The following AGXT variants were observed in gnomAD, a reference collection of about 807,000 sequenced individuals.
AGXT encodes the protein alanine--glyoxylate aminotransferase.
A neutral mutation model predicts 46.9 loss-of-function variants in AGXT; 41 were observed. The ratio of observed to expected loss-of-function variants is 0.88; its 90% CI spans 0.68 to 1.14. AGXT has a LOEUF of 1.14. AGXT is among the 50% of genes most tolerant of loss of function. The pLI is 0.00. For synonymous variants in AGXT, 244 were observed against 227.9 expected, an observed-to-expected ratio of 1.07 and a Z score of -0.64; for missense variants, 525 against 522.7, an observed-to-expected ratio of 1.00 and a Z score of -0.04.
chr2:240,872,089 G>A (rs1165061869), intron 4 of AGXT, among the ~76,000 whole-genome samples: 2 of 152,242 alleles, frequency 1.3e-5, no homozygotes, highest in African/African-American at 2.4e-5. Context: ...CCTGCGGCCA[G>A]CACGAGATAC....
chr2:240,875,149 T>C lies in AGXT; in HGVS notation c.721T>C (p.Tyr241His), dbSNP rs748385061. ...CCGCAAGACGAAGCCCTTCTCCTTC[T>C]ACCTGGACATCAAGTGGCTGGCCAA... ...YSRKTKPFSF[Y>H]LDIKWLANFW... is the part of the protein sequence containing the mutation. Residue 241 changes from tyrosine to histidine, a missense_variant, in exon 7 of 11, where the codon TAC (tyrosine) becomes CAC (histidine). Physicochemically the swap from Tyr to His is moderately conservative, Grantham distance 83. Transcript: ENST00000307503. 9.9e-6 allele frequency: 16 copies of C among 1,613,840 alleles called. No individual in the cohort carries two copies. Among genetic ancestry groups the C allele is most frequent in the African/African-American group, 1.3e-5 (1 of 74,928 alleles).
intron 5 of AGXT, chr2:240,873,323 T>C: frequency 2.1e-6 from 1 of 465,888 alleles, no homozygotes; most frequent in South Asian, 2.6e-5. Flanking sequence ...CCCAGAGCTG[T>C]AGCAGAAGCA....
Position 240,871,354 on chromosome 2 carries a change from G to A in AGXT, c.429G>A (p.Leu143=), listed in dbSNP as rs375123832. The change falls in exon 4 of 11, where the codon CTG becomes CTA. Residue 143 remains leucine, a synonymous_variant. Coordinates refer to ENST00000307503, the MANE Select transcript of AGXT (RefSeq NM_000030.3). ...AGCCGTCCCTGCTTCCTCAGGGCCT[G>A]GCCCAGCACAAGCCAGTGCTGCTGT... ...HYTLQEVEEG[L]AQHKPVLLFL... is the part of the protein sequence containing the mutation. 2.2e-5 allele frequency: 34 copies of A among 1,579,386 alleles called. No homozygotes were observed. The highest frequency in any genetic ancestry group is 2.8e-5 in the Non-Finnish European group (32 of 1,163,518).
intron 7 of AGXT, among the ~76,000 whole-genome samples, chr2:240,875,528 T>A (rs1292658257): frequency 6.6e-6 from 1 of 152,194 alleles, no homozygotes; most frequent in Non-Finnish European, 1.5e-5. Context: ...GGCCTCAGCT[T>A]ACCCCTTCTG....
At position 240,875,954 on chromosome 2, in the gene AGXT, G is replaced by A. The variant is rs142114432; in HGVS notation, c.796G>A (p.Val266Ile). 6.4e-5 allele frequency: 103 copies of A among 1,614,060 alleles called. No homozygotes were observed. The highest frequency in any genetic ancestry group is 2.0e-4 in the East Asian group (9 of 44,900). ...TTCCAGGTACCATCACACAATCCCC[G>A]TCATCAGCCTGTACAGCCTGAGAGA... is the stretch of plus-strand genomic sequence containing the variant. ...QPRMYHHTIP[V>I]ISLYSLRESL... Residue 266 changes from valine (V) to isoleucine (I), a missense_variant, in exon 8 of 11, where the codon GTC becomes ATC. Physicochemically the swap from Val to Ile is conservative, Grantham distance 29. Transcript: ENST00000307503.
In AGXT at chr2:240,875,343, C is replaced by T. The variant is rs372120787; in HGVS notation, c.776+139C>T. On this transcript the variant is annotated intron_variant, in intron 7 of 10. Coordinates refer to ENST00000307503, the MANE Select transcript of AGXT (RefSeq NM_000030.3). ...GAACCCCAACTAGAGCCCCAGAATC[C>T]GCCTGCATCAGGCAGTCAAATGCCC... is the stretch of plus-strand genomic sequence containing the variant. The T allele has an allele frequency of 6.0e-5, 44 of 735,686 alleles. No homozygotes were observed. In the East Asian group the frequency reaches 9.5e-4, roughly 16 times the overall value. 45.6% of individuals were successfully genotyped at this position (735,686 alleles called of 1,614,324 possible).
chr2:240,873,549 C>T lies in AGXT; in HGVS notation c.596-429C>T, dbSNP rs117569130. On this transcript the variant is annotated intron_variant, in intron 5 of 10. Coordinates refer to ENST00000307503, the MANE Select transcript of AGXT (RefSeq NM_000030.3). ...CCATCCGCTTACGGGAGAGAGCCTGCACATTGCATCCACTGCGGTGCCTGC... is the reference window on the plus strand; with the variant it reads ...CCATCCGCTTACGGGAGAGAGCCTGTACATTGCATCCACTGCGGTGCCTGC... The T allele has an allele frequency of 5.8e-3, 1,671 of 288,876 alleles. 57 individuals are homozygous for T. In the East Asian group the frequency reaches 0.074, roughly 13 times the overall value. The allele number at this position is 288,876 out of a possible 1,614,324, so 17.9% of individuals were successfully genotyped here. A position where few individuals can be genotyped will look rare whatever the true frequency, so the allele number is the denominator to read the frequency against.
intron 4 of AGXT, among the ~76,000 whole-genome samples, 180 bp downstream of exon 4, chr2:240,871,629 C>T (rs915590413): frequency 3.3e-5 from 5 of 152,186 alleles, no homozygotes; most frequent in Non-Finnish European, 2.9e-5. Flanking sequence ...AAAGACAACC[C>T]CAGGTCCCAG....
At position 240,878,984 on chromosome 2, in the gene AGXT, G is replaced by A; in HGVS notation, c.*163G>A. The A allele has an allele frequency of 1.4e-6, 1 of 715,860 alleles. No homozygotes were observed. The highest frequency in any genetic ancestry group is 2.4e-6 in the Non-Finnish European group (1 of 416,106). The allele number at this position is 715,860 out of a possible 1,614,324, so 44.3% of individuals were successfully genotyped here. On this transcript the variant is annotated 3_prime_UTR_variant, in exon 11 of 11. Coordinates refer to ENST00000307503, the MANE Select transcript of AGXT (RefSeq NM_000030.3). ...CAGGCAGCCTCCCTGGCCCCAGGCA[G>A]CCCTTTTCCCTCCAGTGGCACCTCC...
intron 9 of AGXT, 61 bp downstream of exon 9, chr2:240,877,693 C>G: frequency 6.6e-7 from 1 of 1,509,832 alleles, no homozygotes; most frequent in Non-Finnish European, 9.0e-7. Flanking sequence ...GGGGCTCTTG[C>G]CCAGCCCCCT....
At chr2:240,871,477 G>A (rs1159100233) in intron 4 of AGXT, 28 bp downstream of exon 4, 12 of 1,549,198 alleles carry the variant, frequency 7.7e-6, no homozygotes, top group Non-Finnish European at 1.0e-5. Context: ...GCGGTGGACT[G>A]GAGCACAGCT....
At chr2:240,877,999 A>G (rs753340297) in intron 9 of AGXT, 23 bp from the exon 10 acceptor site, 2 of 1,608,402 alleles carry the variant, frequency 1.2e-6, no homozygotes, top group Non-Finnish European at 1.7e-6. Context: ...TCACCCACGC[A>G]CTGAGCCAGG....
chr2:240,878,466 G>C (rs111569788), intron 10 of AGXT, among the ~76,000 whole-genome samples: 2 of 152,228 alleles, frequency 1.3e-5, no homozygotes, highest in Admixed American at 6.5e-5. Flanking sequence ...GAGTGGCAGT[G>C]GGGAGGGACC....
rs746058770 is a variant in AGXT at position 240,873,966 on chromosome 2, A to G, written c.596-12A>G. On this transcript the variant is annotated splice_polypyrimidine_tract_variant and intron_variant, in intron 5 of 10. Transcript: ENST00000307503. ...GGGACTCACCCGTCCCGAGCAAACC[A>G]CCCATCTACAGGCATCGACATCCTG... The G allele has an allele frequency of 2.5e-6, 4 of 1,613,124 alleles. No homozygotes were observed. Among genetic ancestry groups the G allele is most frequent in the Non-Finnish European group, 3.4e-6 (4 of 1,179,882 alleles).
At chr2:240,871,082 C>T in intron 3 of AGXT, 2 of 592,666 alleles carry the variant, frequency 3.4e-6, no homozygotes, top group Admixed American at 2.9e-5. Context: ...AGTGTGGGGA[C>T]TCAGTCCATC....
At position 240,869,040 on chromosome 2, in the gene AGXT, G is replaced by A; in HGVS notation, c.165+10G>A. ...CAAGGATATGTACCAGGTAGGAGTGGGGGTCACTCGGGGGGCCTGGGTCTC... is the reference window on the plus strand; with the variant it reads ...CAAGGATATGTACCAGGTAGGAGTGAGGGTCACTCGGGGGGCCTGGGTCTC... On this transcript the variant is annotated intron_variant, in intron 1 of 10. Coordinates refer to ENST00000307503, the MANE Select transcript of AGXT (RefSeq NM_000030.3). 1 of 1,307,130 alleles carries A rather than the reference G, an allele frequency of 7.7e-7. No individual in the cohort carries two copies. The highest frequency in any genetic ancestry group is 1.0e-6 in the Non-Finnish European group (1 of 956,004). The allele number at this position is 1,307,130 out of a possible 1,614,324, so 81.0% of individuals were successfully genotyped here.
At chr2:240,876,061 C>T (rs751363061) in intron 8 of AGXT, 57 bp downstream of exon 8, 34 of 1,572,438 alleles carry the variant, frequency 2.2e-5, no homozygotes, top group Non-Finnish European at 2.7e-5. Context: ...TTGTCGAGGG[C>T]GCGGCCTGCA....
At chr2:240,872,929 T>A in intron 4 of AGXT, 50 bp from the exon 5 acceptor site, 1 of 1,521,014 alleles carries the variant, frequency 6.6e-7, no homozygotes, top group Non-Finnish European at 9.1e-7. Flanking sequence ...GGCCCTCCAG[T>A]GGCCCCCTGC....
intron 3 of AGXT, 104 bp downstream of exon 3, chr2:240,870,812 C>G: frequency 1.7e-6 from 2 of 1,180,444 alleles, no homozygotes; most frequent in Non-Finnish European, 2.4e-6. Flanking sequence ...GGATCATGGC[C>G]GGGAGGCTGG....
Sources: allele counts gnomAD v4.1 joint callset (sites outside exome capture counted in the v4.1 genomes callset), GRCh38; gene constraint gnomAD v4.1.1; transcripts MANE v1.5; gene names NCBI Gene and HGNC (gene_info 2026-07-23, HGNC 2026-07-21).